The following PYGL variants were observed in gnomAD, a reference collection of about 807,000 sequenced individuals.
PYGL encodes the protein glycogen phosphorylase, liver form.
Under a neutral mutation model 100.1 loss-of-function variants are expected in PYGL, and 90 were observed. That is an observed-to-expected ratio of 0.90 (90% CI 0.76 to 1.07). The LOEUF is 1.07. Ranked by LOEUF, PYGL falls within the 50% of genes least tolerant of loss-of-function variation. The probability of loss-of-function intolerance (pLI) is 0.00; values close to 1 mark genes in which losing one functional copy is unlikely to be tolerated. For synonymous variants in PYGL, 373 were observed against 393.0 expected, an observed-to-expected ratio of 0.95 and a Z score of 0.60; for missense variants, 1,016 against 1,057.6, an observed-to-expected ratio of 0.96 and a Z score of 0.55.
chr14:50,925,323 A>G (rs1367510257), intron 4 of PYGL, among the ~76,000 whole-genome samples: 1 of 152,230 alleles, frequency 6.6e-6, no homozygotes, highest in African/African-American at 2.4e-5. Context: ...TATGTGTTGT[A>G]TTGTTGACTG....
intron 12 of PYGL, 30 bp downstream of exon 12, chr14:50,914,671 C>A (rs2050428725): frequency 6.4e-7 from 1 of 1,551,216 alleles, no homozygotes; most frequent in Non-Finnish European, 8.9e-7. Flanking sequence ...TCGAGTCAGG[C>A]CTCCTTTCCT....
intron 4 of PYGL, 44 bp downstream of exon 4, chr14:50,931,629 G>A (rs771779789): frequency 1.3e-6 from 2 of 1,502,722 alleles, no homozygotes; most frequent in East Asian, 2.3e-5. Flanking sequence ...CACCATGAAA[G>A]AGAAGTACCT....
Position 50,916,653 on chromosome 14 carries a change from G to A in PYGL, c.1081C>T (p.Pro361Ser). 1 of 1,612,652 alleles carries A rather than the reference G, an allele frequency of 6.2e-7. No individual in the cohort carries two copies. The highest frequency in any genetic ancestry group is 8.5e-7 in the Non-Finnish European group (1 of 1,178,656). Residue 361 changes from proline (P) to serine (S), a missense_variant, in exon 9 of 20, where the codon CCC becomes TCC. Transcript: ENST00000216392. ...MRIFVDIEKLPWSKAWELTQK... is the reference protein window; with the variant it reads ...MRIFVDIEKLSWSKAWELTQK... Reference sequence around the variant, plus strand: ...CAAACTATCCAGACCTTGGACCAGGGCAGTTTTTCAATATCCACAAAAATC... The same window carrying A: ...CAAACTATCCAGACCTTGGACCAGGACAGTTTTTCAATATCCACAAAAATC...
intron 4 of PYGL, 143 bp from the exon 5 acceptor site, chr14:50,924,243 C>T: frequency 1.1e-6 from 1 of 895,446 alleles, no homozygotes. Context: ...TTTTTTACAG[C>T]CTACATCAAC....
At chr14:50,907,840 G>A (rs538568735) in intron 19 of PYGL, among the ~76,000 whole-genome samples, 1 of 152,144 alleles carries the variant, frequency 6.6e-6, no homozygotes, top group East Asian at 1.9e-4. Flanking sequence ...GAGGTCAGGA[G>A]TTCTAGACCA....
At chr14:50,925,162 T>C (rs561070681) in intron 4 of PYGL, among the ~76,000 whole-genome samples, 3 of 152,208 alleles carry the variant, frequency 2.0e-5, no homozygotes, top group South Asian at 4.1e-4. Flanking sequence ...GTACAGCACG[T>C]TACTGTGCTG....
At position 50,912,297 on chromosome 14, in the gene PYGL, T is replaced by G. The variant is rs1187641828; in HGVS notation, c.1627A>C (p.Lys543Gln). ...TCCAGGAACTGAGAAAACTTCAGCT[T>G]ATTCTCCTGTTAAGACAGTGCATGG... is the stretch of plus-strand genomic sequence containing the variant. ...RELAKVKQEN[K>Q]LKFSQFLETE... Residue 543 changes from lysine (K) to glutamine (Q), a missense_variant, in exon 14 of 20, where the codon AAG becomes CAG. Coordinates refer to ENST00000216392, the MANE Select transcript of PYGL (RefSeq NM_002863.5). 15 of 1,614,056 alleles carry G rather than the reference T, an allele frequency of 9.3e-6. No individual in the cohort carries two copies. Among genetic ancestry groups the G allele is most frequent in the Non-Finnish European group, 1.3e-5 (15 of 1,179,924 alleles).
intron 7 of PYGL, among the ~76,000 whole-genome samples, chr14:50,919,666 GGTGTGTGTGTGTGTGTGT>G (rs35650221): frequency 6.7e-6 from 1 of 148,658 alleles, no homozygotes; most frequent in African/African-American, 2.5e-5. Flanking sequence ...AGTTCCAAGT[GGTGTGTGTGTGTGTGTGT>G]GTGTGTGTGT....
In PYGL at chr14:50,905,559, G is replaced by A. The variant is rs762651128; in HGVS notation, c.2380-3C>T. 5 of 1,613,902 alleles carry A rather than the reference G, an allele frequency of 3.1e-6. No homozygotes were observed. In the South Asian group the frequency reaches 5.5e-5, roughly 18 times the overall value. On this transcript the variant is annotated splice_region_variant and splice_polypyrimidine_tract_variant and intron_variant, in intron 19 of 19. Transcript: ENST00000216392. ...ATTGTGTTCCAGGCCTTTGGATTCT[G>A]TAAACAACATATGCATATACAGCCC...
At chr14:50,910,501 GC>G (rs1431481832) in intron 16 of PYGL, among the ~76,000 whole-genome samples, 1 of 151,708 alleles carries the variant, frequency 6.6e-6, no homozygotes, top group Non-Finnish European at 1.5e-5. Context: ...TGTCACCCAG[GC>G]TGGAGTGCAG....
chr14:50,909,958 C>T lies in PYGL; in HGVS notation c.2114G>A (p.Gly705Glu), dbSNP rs1354034655. Residue 705 changes from glycine (G) to glutamate (E), a missense_variant, in exon 17 of 20, where the codon GGG becomes GAG. By Grantham distance (98) the Gly-to-Glu change is moderately conservative. Coordinates refer to ENST00000216392, the MANE Select transcript of PYGL (RefSeq NM_002863.5). Reference sequence around the variant, plus strand: ...GCCAAAGATGAACAGGTTCTCTTCCCCAGCTTCTTCTGCCATTTCCACATT... The same window carrying T: ...GCCAAAGATGAACAGGTTCTCTTCCTCAGCTTCTTCTGCCATTTCCACATT... ...GANVEMAEEA[G>E]EENLFIFGMR... is the part of the protein sequence containing the mutation. The T allele has an allele frequency of 1.9e-6, 3 of 1,614,070 alleles. No homozygotes were observed. Among genetic ancestry groups the T allele is most frequent in the African/African-American group, 2.7e-5 (2 of 74,914 alleles).
intron 4 of PYGL, among the ~76,000 whole-genome samples, chr14:50,924,506 TTGGATACC>T (rs1356858699): frequency 6.6e-6 from 1 of 152,166 alleles, no homozygotes; most frequent in Non-Finnish European, 1.5e-5. Context: ...ATGTTTATCG[TTGGATACC>T]TGGGCCTGTT....
Position 50,908,022 on chromosome 14 carries a change from A to G in PYGL, c.2379+249T>C, listed in dbSNP as rs2050351002. On this transcript the variant is annotated intron_variant, in intron 19 of 19. Coordinates refer to ENST00000216392, the MANE Select transcript of PYGL (RefSeq NM_002863.5). ...GAGTGACAGAGCGAGATCTGTCTCA[A>G]AAAAAAAAAAAAAAAAAAATTACAA... 1.8e-4 allele frequency: 6 copies of G among 33,232 alleles called. No individual in the cohort carries two copies. The South Asian group carries it at 2.0e-3, about 11-fold the overall frequency. The allele number at this position is 33,232 out of a possible 1,614,324, so 2.1% of individuals were successfully genotyped here.
chr14:50,915,166 T>C lies in PYGL; in HGVS notation c.1403+170A>G, dbSNP rs923715527. On this transcript the variant is annotated intron_variant, in intron 11 of 19. Transcript: ENST00000216392. The stretch of plus-strand genomic sequence containing the variant: ...TCTGAGAGGAAAGCATTCTTTTCTT[T>C]CCTTTTCTTTTCTTTTTTTTTTTTA... The C allele has an allele frequency of 4.4e-6, 4 of 905,156 alleles. No homozygotes were observed. The Admixed American group carries it at 7.6e-5, about 17-fold the overall frequency. 56.1% of individuals were successfully genotyped at this position (905,156 alleles called of 1,614,324 possible).
chr14:50,909,048 A>C (rs1017866305), intron 17 of PYGL, 93 bp from the exon 18 acceptor site: 7 of 1,384,812 alleles, frequency 5.1e-6, no homozygotes, highest in East Asian at 4.6e-5. Flanking sequence ...ACTGTGAAAA[A>C]ATACATTCAG....
chr14:50,942,822 CA>C (rs757686856), intron 1 of PYGL, among the ~76,000 whole-genome samples: 1 of 130,054 alleles, frequency 7.7e-6, no homozygotes, highest in Non-Finnish European at 1.7e-5. Flanking sequence ...GACTCTGTCT[CA>C]AACAAAACAA....
At chr14:50,926,315 T>C (rs11851115) in intron 4 of PYGL, among the ~76,000 whole-genome samples, 66,513 of 151,780 alleles carry the variant, frequency 0.44, 16,501 homozygotes, top group African/African-American at 0.65. Flanking sequence ...CATGCCACTG[T>C]ACTCCACCCT....
chr14:50,943,996 C>T (rs1479592016), intron 1 of PYGL, among the ~76,000 whole-genome samples, 165 bp downstream of exon 1: 1 of 152,162 alleles, frequency 6.6e-6, no homozygotes, highest in African/African-American at 2.4e-5. Flanking sequence ...CTAATCTGTC[C>T]CCCAGGCTGC....
At chr14:50,914,865 T>C (rs1376836494) in intron 11 of PYGL, 50 bp from the exon 12 acceptor site, 3 of 1,353,378 alleles carry the variant, frequency 2.2e-6, no homozygotes, top group South Asian at 1.2e-5. Flanking sequence ...CGGCAAAGGG[T>C]CCTGCACACT....
Sources: allele counts gnomAD v4.1 joint callset (sites outside exome capture counted in the v4.1 genomes callset), GRCh38; gene constraint gnomAD v4.1.1; transcripts MANE v1.5; gene names NCBI Gene and HGNC (gene_info 2026-07-23, HGNC 2026-07-21).